KLHDC1: variants seen among roughly 807,000 people sequenced by gnomAD.
KLHDC1 encodes kelch domain containing 1.
A neutral mutation model predicts 68.3 loss-of-function variants in KLHDC1; 53 were observed. That is an observed-to-expected ratio of 0.78 (90% CI 0.62 to 0.98). The LOEUF (loss-of-function observed/expected upper bound fraction) is 0.98. Among genes scored for constraint, KLHDC1 ranks in the 50% least tolerant of loss-of-function variants. The pLI is 0.00. For missense variants in KLHDC1, 470 were observed against 492.3 expected (o/e 0.95, Z 0.43); for synonymous variants, 148 against 159.0 (o/e 0.93, Z 0.52).
chr14:49,706,412 G>A (rs1448565123), intron 1 of KLHDC1, among the ~76,000 whole-genome samples: 1 of 152,044 alleles, frequency 6.6e-6, no homozygotes, highest in Non-Finnish European at 1.5e-5. Context: ...TCGAAATTTT[G>A]GGTATTGTGA....
intron 10 of KLHDC1, among the ~76,000 whole-genome samples, chr14:49,735,082 C>G (rs890561737): frequency 6.6e-6 from 1 of 151,930 alleles, no homozygotes; most frequent in African/African-American, 2.4e-5. Context: ...CCATGTTGAT[C>G]CAATGGATGG....
intron 4 of KLHDC1, among the ~76,000 whole-genome samples, chr14:49,715,659 T>C (rs1404745005): frequency 1.4e-4 from 20 of 145,466 alleles, no homozygotes; most frequent in African/African-American, 5.1e-4. Flanking sequence ...GCGGGAGAAT[T>C]GCTTGAACCT....
intron 10 of KLHDC1, among the ~76,000 whole-genome samples, chr14:49,736,498 GAGA>G (rs746402801): frequency 4.6e-5 from 7 of 152,228 alleles, no homozygotes; most frequent in Middle Eastern, 3.4e-3. Context: ...ATGAGGTGAG[GAGA>G]AGAACAGGTG....
chr14:49,725,686 G>A lies in KLHDC1; in HGVS notation c.484G>A (p.Glu162Lys). 7.6e-7 allele frequency: 1 copy of A among 1,314,792 alleles called. No homozygotes were observed. Among genetic ancestry groups the A allele is most frequent in the Non-Finnish European group, 1.0e-6 (1 of 996,466 alleles). 81.4% of individuals were successfully genotyped at this position (1,314,792 alleles called of 1,614,324 possible). Residue 162 changes from glutamate to lysine, a missense_variant and splice_region_variant, in exon 6 of 13, where the codon GAA (glutamate) becomes AAA (lysine). Transcript: ENST00000359332. ...DCFDVHDASW[E>K]EQIFWGWHND... The stretch of plus-strand genomic sequence containing the variant: ...GATATTTAAAACATTTCTCTTTTAG[G>A]AAGAGCAGATATTCTGGGGATGGCA...
chr14:49,729,837 A>T (rs1053354962), intron 8 of KLHDC1, among the ~76,000 whole-genome samples: 5 of 152,230 alleles, frequency 3.3e-5, no homozygotes, highest in African/African-American at 1.2e-4. Flanking sequence ...GAATGGGGTC[A>T]TCTCAGGTGA....
At chr14:49,738,020 G>A (rs1030260881) in intron 10 of KLHDC1, among the ~76,000 whole-genome samples, 4 of 151,862 alleles carry the variant, frequency 2.6e-5, no homozygotes, top group Non-Finnish European at 5.9e-5. Context: ...CATAAAATTA[G>A]TATTTGGGTT....
At chr14:49,693,387 C>T in intron 1 of KLHDC1, 97 bp downstream of exon 1, 1 of 913,040 alleles carries the variant, frequency 1.1e-6, no homozygotes, top group Non-Finnish European at 1.5e-6. Context: ...GGCTGCGGCC[C>T]AGGCCTGGCG....
chr14:49,709,411 A>G (rs1888140869), intron 2 of KLHDC1, among the ~76,000 whole-genome samples, 182 bp downstream of exon 2: 1 of 151,530 alleles, frequency 6.6e-6, no homozygotes, highest in Non-Finnish European at 1.5e-5. Context: ...TCCCTGCTCC[A>G]CTTTTTGTCT....
chr14:49,725,024 G>A (rs7146979), intron 5 of KLHDC1, among the ~76,000 whole-genome samples: 2,569 of 151,950 alleles, frequency 0.017, 77 homozygotes, highest in African/African-American at 0.058. Context: ...AAATTGTTTA[G>A]CTTATTTTAC....
Position 49,728,983 on chromosome 14 carries a change from G to T in KLHDC1, c.625G>T (p.Gly209Cys), listed in dbSNP as rs1434530081. Residue 209 changes from glycine (G) to cysteine (C), a missense_variant, in exon 7 of 13, where the codon GGT becomes TGT. By Grantham distance (159) the Gly-to-Cys change is radical. Transcript: ENST00000359332. ...AHTCAVLGNK[G>C]YIFGGRVLQT... ...TACATGTGCAGTTCTTGGAAATAAG[G>T]GTTATATCTTTGGCGGACGTGTTCT... 2 of 1,613,538 alleles carry T rather than the reference G, an allele frequency of 1.2e-6. No individual in the cohort carries two copies. Among genetic ancestry groups the T allele is most frequent in the Non-Finnish European group, 1.7e-6 (2 of 1,179,486 alleles).
At chr14:49,747,400 C>T (rs939890516) in intron 12 of KLHDC1, among the ~76,000 whole-genome samples, 6 of 152,056 alleles carry the variant, frequency 3.9e-5, no homozygotes, top group South Asian at 2.1e-4. Flanking sequence ...GTTTATATGC[C>T]GGTTGGGCAG....
In KLHDC1 at chr14:49,693,217, G is replaced by C. The variant is rs1307542823; in HGVS notation, c.23G>C (p.Cys8Ser). The C allele has an allele frequency of 2.5e-6, 4 of 1,578,606 alleles. No homozygotes were observed. Among genetic ancestry groups the C allele is most frequent in the Non-Finnish European group, 3.4e-6 (4 of 1,164,360 alleles). ...CGAATGGCGGACTCTCAGCTGTTCT[G>C]TGTGGCGGAGGAACGCAGCGGCCAC... MADSQLF[C>S]VAEERSGHCA... Residue 8 changes from cysteine (C) to serine (S), a missense_variant, in exon 1 of 13, where the codon TGT becomes TCT. Coordinates refer to ENST00000359332, the MANE Select transcript of KLHDC1 (RefSeq NM_172193.3).
chr14:49,703,410 T>C (rs1887961384), intron 1 of KLHDC1, among the ~76,000 whole-genome samples: 1 of 151,998 alleles, frequency 6.6e-6, no homozygotes, highest in South Asian at 2.1e-4. Flanking sequence ...TGACATGATC[T>C]TAGCTCACTG....
chr14:49,709,635 A>G, intron 2 of KLHDC1, 74 bp from the exon 3 acceptor site: 1 of 712,756 alleles, frequency 1.4e-6, no homozygotes, highest in Non-Finnish European at 2.3e-6. Flanking sequence ...TGACAAAAGT[A>G]CTCATGGAGT....
In KLHDC1 at chr14:49,704,387, G is replaced by GTTTTTTTTTTTTTT. The variant is rs35067251; in HGVS notation, c.97-4761_97-4748dup. On this transcript the variant is annotated intron_variant, in intron 1 of 12. Coordinates refer to ENST00000359332, the MANE Select transcript of KLHDC1 (RefSeq NM_172193.3). ...GTCTTTTTATTTTTTTTCCTTTTCT[G>GTTTTTTTTTTTTTT]TTTTTTTTTTTTTTTTTTTTTTTTG... Among the ~76,000 whole-genome samples the GTTTTTTTTTTTTTT allele has an allele frequency of 3.1e-4, 21 of 68,692 alleles. 2 individuals carry two copies. The highest frequency in any genetic ancestry group is 1.2e-3 in the South Asian group (2 of 1,664). The allele number at this position is 68,692 out of a possible 152,430, so 45.1% of individuals were successfully genotyped here. A position where few individuals can be genotyped will look rare whatever the true frequency, so the allele number is the denominator to read the frequency against.
intron 12 of KLHDC1, 86 bp downstream of exon 12, chr14:49,743,891 C>T: frequency 1.3e-6 from 1 of 788,740 alleles, no homozygotes. Context: ...AAATATTTTT[C>T]AGGTTGCTTA....
intron 1 of KLHDC1, among the ~76,000 whole-genome samples, chr14:49,703,900 T>C (rs113797854): frequency 1.5e-4 from 23 of 151,174 alleles, no homozygotes; most frequent in African/African-American, 5.3e-4. Flanking sequence ...TTTTTGCTAT[T>C]GTAAGCATTC....
chr14:49,703,865 T>G lies in KLHDC1; in HGVS notation c.97-5294T>G, dbSNP rs1358853678. Among the ~76,000 whole-genome samples, 5 of 152,234 alleles carry G rather than the reference T, an allele frequency of 3.3e-5. No homozygotes were observed. The East Asian group carries it at 9.6e-4, about 29-fold the overall frequency. ...TACTGCAATTTATCCATTCCATTAT[T>G]GGTGAATATTTGAATGTTTCTAATT... On this transcript the variant is annotated intron_variant, in intron 1 of 12. Transcript: ENST00000359332.
intron 4 of KLHDC1, among the ~76,000 whole-genome samples, chr14:49,712,887 A>G (rs1283786816): frequency 2.1e-5 from 3 of 146,308 alleles, no homozygotes; most frequent in East Asian, 4.1e-4. Flanking sequence ...TGATCCACCC[A>G]CCTTGGCCTC....
Sources: gnomAD v4.1 joint callset for allele counts (sites outside exome capture counted in the v4.1 genomes callset) on GRCh38, gnomAD v4.1.1 for gene constraint, MANE v1.5 for transcripts, NCBI Gene and HGNC (gene_info 2026-07-23, HGNC 2026-07-21) for gene names.